Variants in SYT9 observed in about 807,000 individuals in gnomAD.
SYT9 encodes the protein synaptotagmin 9.
SYT9 carries 22 observed loss-of-function variants against 48.4 expected under a neutral mutation model. The ratio of observed to expected loss-of-function variants is 0.45; its 90% CI spans 0.32 to 0.65. The LOEUF (loss-of-function observed/expected upper bound fraction) is 0.65. Ranked by LOEUF, SYT9 falls within the 30% of genes least tolerant of loss-of-function variation. The probability of loss-of-function intolerance (pLI) is 0.03; values close to 1 mark genes in which losing one functional copy is unlikely to be tolerated. For missense variants in SYT9, 577 were observed against 622.0 expected (o/e 0.93, Z 0.77); for synonymous variants, 265 against 245.0 (o/e 1.08, Z -0.76).
At chr11:7,288,430 A>AT (rs1387665473) in intron 1 of SYT9, among the ~76,000 whole-genome samples, 1 of 152,200 alleles carries the variant, frequency 6.6e-6, no homozygotes, top group Non-Finnish European at 1.5e-5. Flanking sequence ...ATCTTTCAGA[A>AT]CATCACCCAA....
chr11:7,343,293 T>A (rs1849745082), intron 3 of SYT9, among the ~76,000 whole-genome samples: 1 of 152,226 alleles, frequency 6.6e-6, no homozygotes, highest in Non-Finnish European at 1.5e-5. Flanking sequence ...TCCAAACTTT[T>A]ATGCTGTGTT....
At chr11:7,403,717 T>C (rs1846944499) in intron 3 of SYT9, among the ~76,000 whole-genome samples, 1 of 152,228 alleles carries the variant, frequency 6.6e-6, no homozygotes, top group African/African-American at 2.4e-5. Context: ...TGAAACCTGT[T>C]TTATAATTCA....
chr11:7,256,712 A>G (rs1847977404), intron 1 of SYT9, among the ~76,000 whole-genome samples: 1 of 152,128 alleles, frequency 6.6e-6, no homozygotes, highest in Non-Finnish European at 1.5e-5. Context: ...TCAGCTTAGT[A>G]TTTTTGATTA....
intron 3 of SYT9, among the ~76,000 whole-genome samples, chr11:7,381,358 C>T (rs1403193690): frequency 1.3e-5 from 2 of 152,184 alleles, no homozygotes; most frequent in East Asian, 3.8e-4. Context: ...TTTAATCAAT[C>T]CCAGTAGCAT....
intron 3 of SYT9, among the ~76,000 whole-genome samples, chr11:7,341,839 A>G (rs1849718857): frequency 1.3e-5 from 2 of 152,214 alleles, no homozygotes; most frequent in South Asian, 4.1e-4. Flanking sequence ...TGATAAAGAC[A>G]TACCCAAGAC....
intron 3 of SYT9, among the ~76,000 whole-genome samples, chr11:7,397,613 A>G (rs7108075): frequency 0.34 from 52,073 of 152,028 alleles, 9,703 homozygotes; most frequent in Non-Finnish European, 0.43. Flanking sequence ...ATGGGAATGA[A>G]TTGATATCTT....
At chr11:7,318,636 T>C (rs1564860355) in intron 3 of SYT9, among the ~76,000 whole-genome samples, 1 of 152,208 alleles carries the variant, frequency 6.6e-6, no homozygotes, top group Non-Finnish European at 1.5e-5. Context: ...ATTTTGTGGA[T>C]ATATTCATAT....
chr11:7,263,272 C>G (rs1271795269), intron 1 of SYT9, among the ~76,000 whole-genome samples: 2 of 152,102 alleles, frequency 1.3e-5, no homozygotes, highest in Non-Finnish European at 2.9e-5. Context: ...GATGCTGTGT[C>G]AGGTGAGGGC....
intron 6 of SYT9, among the ~76,000 whole-genome samples, chr11:7,462,175 G>T (rs1472331943): frequency 6.6e-6 from 1 of 152,194 alleles, no homozygotes; most frequent in Non-Finnish European, 1.5e-5. Flanking sequence ...ATAAAAGCAT[G>T]GTGGCAGATT....
intron 3 of SYT9, among the ~76,000 whole-genome samples, chr11:7,369,490 C>G (rs946356316): frequency 6.6e-6 from 1 of 152,036 alleles, no homozygotes; most frequent in Non-Finnish European, 1.5e-5. Context: ...TAATTATATT[C>G]CATTTGTCAG....
At chr11:7,331,143 A>T (rs778482480) in intron 3 of SYT9, among the ~76,000 whole-genome samples, 1 of 151,126 alleles carries the variant, frequency 6.6e-6, no homozygotes, top group Non-Finnish European at 1.5e-5. Context: ...GAAAAAGATG[A>T]GAGCAAATTC....
chr11:7,426,608 G>A (rs1437567544), intron 6 of SYT9, among the ~76,000 whole-genome samples: 16 of 152,122 alleles, frequency 1.1e-4, no homozygotes, highest in Admixed American at 1.0e-3. Context: ...CCTCTAGCCT[G>A]TGTTGGCCCA....
chr11:7,263,614 A>G (rs554370304), intron 1 of SYT9, among the ~76,000 whole-genome samples: 2 of 152,188 alleles, frequency 1.3e-5, no homozygotes, highest in Non-Finnish European at 2.9e-5. Flanking sequence ...CAAGAACATG[A>G]TGGCTTGGAA....
At chr11:7,377,001 A>G (rs1203644374) in intron 3 of SYT9, among the ~76,000 whole-genome samples, 1 of 150,138 alleles carries the variant, frequency 6.7e-6, no homozygotes, top group African/African-American at 2.5e-5. Context: ...CAACATAGAA[A>G]ATGCCTCTAG....
At chr11:7,255,549 C>T (rs1471488077) in intron 1 of SYT9, among the ~76,000 whole-genome samples, 1 of 152,042 alleles carries the variant, frequency 6.6e-6, no homozygotes, top group Non-Finnish European at 1.5e-5. Flanking sequence ...GTGACTTCAA[C>T]AGGGATAGTG....
chr11:7,321,843 A>G (rs1849343609), intron 3 of SYT9, among the ~76,000 whole-genome samples: 1 of 152,170 alleles, frequency 6.6e-6, no homozygotes, highest in African/African-American at 2.4e-5. Context: ...ATTGCCATGG[A>G]AAGGTGGTAA....
At chr11:7,408,090 G>T (rs1847057219) in intron 3 of SYT9, among the ~76,000 whole-genome samples, 1 of 151,950 alleles carries the variant, frequency 6.6e-6, no homozygotes, top group Non-Finnish European at 1.5e-5. Context: ...GATAGAGATT[G>T]CATTAAGTCT....
At chr11:7,294,318 A>G (rs747651547) in intron 1 of SYT9, among the ~76,000 whole-genome samples, 2 of 152,200 alleles carry the variant, frequency 1.3e-5, no homozygotes, top group Non-Finnish European at 2.9e-5. Flanking sequence ...TTAACTGCAA[A>G]CTACATTCAT....
chr11:7,324,933 C>T lies in SYT9; in HGVS notation c.1044+10992C>T, dbSNP rs186075566. Among the ~76,000 whole-genome samples, 603 of 152,162 alleles carry T rather than the reference C, an allele frequency of 4.0e-3. 10 individuals carry two copies. The highest frequency in any genetic ancestry group is 7.6e-3 in the Admixed American group (116 of 15,270). On this transcript the variant is annotated intron_variant, in intron 3 of 6. Transcript: ENST00000318881. ...GATAAAATGTGTTTTTCATCTCCTACTATGATGGTGGATTTTCAATTTCAT... is the reference window on the plus strand; with the variant it reads ...GATAAAATGTGTTTTTCATCTCCTATTATGATGGTGGATTTTCAATTTCAT...
Sources: gnomAD v4.1 joint callset for allele counts (sites outside exome capture counted in the v4.1 genomes callset) on GRCh38, gnomAD v4.1.1 for gene constraint, MANE v1.5 for transcripts, NCBI Gene and HGNC (gene_info 2026-07-23, HGNC 2026-07-21) for gene names.